The following SPTLC2 variants were observed in gnomAD, a reference collection of about 807,000 sequenced individuals.
The protein encoded by SPTLC2 is serine palmitoyltransferase long chain base subunit 2, also known as serine palmitoyltransferase 2.
Under a neutral mutation model 62.0 loss-of-function variants are expected in SPTLC2, and 21 were observed. The ratio of observed to expected loss-of-function variants is 0.34; its 90% CI spans 0.24 to 0.49. The LOEUF is 0.49. Among genes scored for constraint, SPTLC2 ranks in the 20% least tolerant of loss-of-function variants. The pLI, the probability that SPTLC2 is intolerant of heterozygous loss-of-function variation, is 0.99. For synonymous variants in SPTLC2, 261 were observed against 261.8 expected (o/e 1.00, Z 0.03); for missense variants, 511 against 713.0 (o/e 0.72, Z 3.23).
At chr14:77,533,193 G>A (rs912425932) in intron 9 of SPTLC2, among the ~76,000 whole-genome samples, 2 of 151,866 alleles carry the variant, frequency 1.3e-5, no homozygotes, top group Non-Finnish European at 2.9e-5. Flanking sequence ...CCAGCTACTT[G>A]GGAGGCTGAG....
At chr14:77,552,756 A>G (rs943663493) in intron 8 of SPTLC2, among the ~76,000 whole-genome samples, 1 of 149,040 alleles carries the variant, frequency 6.7e-6, no homozygotes, top group Non-Finnish European at 1.5e-5. Flanking sequence ...CAGTGAGCTG[A>G]GATTGCGCCA....
At chr14:77,586,324 C>G (rs1488332901) in intron 2 of SPTLC2, among the ~76,000 whole-genome samples, 1 of 152,254 alleles carries the variant, frequency 6.6e-6, no homozygotes, top group East Asian at 1.9e-4. Flanking sequence ...GATCCACCCA[C>G]CTTGGCCTCC....
chr14:77,535,168 C>A (rs927209900), intron 9 of SPTLC2, among the ~76,000 whole-genome samples: 1 of 152,176 alleles, frequency 6.6e-6, no homozygotes, highest in Non-Finnish European at 1.5e-5. Flanking sequence ...CTTAGGTGAT[C>A]TGCCCGCCTC....
intron 11 of SPTLC2, among the ~76,000 whole-genome samples, chr14:77,515,520 T>C (rs551878422): frequency 6.6e-6 from 1 of 151,058 alleles, no homozygotes. Context: ...AAGTGTAAAT[T>C]AGCCAGTGTA....
intron 9 of SPTLC2, among the ~76,000 whole-genome samples, chr14:77,541,001 A>G (rs1042974245): frequency 6.6e-6 from 1 of 151,576 alleles, no homozygotes; most frequent in Non-Finnish European, 1.5e-5. Flanking sequence ...CTCAGAAGGT[A>G]TGCTTGCAAA....
intron 1 of SPTLC2, among the ~76,000 whole-genome samples, chr14:77,600,990 T>C (rs1317780930): frequency 1.3e-5 from 2 of 152,338 alleles, no homozygotes; most frequent in East Asian, 3.9e-4. Context: ...AAGCCATATG[T>C]GTAATACATA....
chr14:77,566,328 A>G (rs1004543064), intron 5 of SPTLC2, among the ~76,000 whole-genome samples: 2 of 152,198 alleles, frequency 1.3e-5, no homozygotes, highest in Non-Finnish European at 2.9e-5. Flanking sequence ...TTAATGTTTC[A>G]GGTATCATGT....
intron 1 of SPTLC2, among the ~76,000 whole-genome samples, chr14:77,598,790 AG>A (rs2079861930): frequency 6.6e-6 from 1 of 152,202 alleles, no homozygotes; most frequent in South Asian, 2.1e-4. Context: ...CAAAAACACT[AG>A]CTGGACATGG....
chr14:77,586,643 C>G (rs886238423), intron 2 of SPTLC2, among the ~76,000 whole-genome samples: 6 of 152,178 alleles, frequency 3.9e-5, no homozygotes, highest in African/African-American at 1.4e-4. Flanking sequence ...GAAAGACAAG[C>G]CACAAAAGAG....
In SPTLC2 at chr14:77,579,118, A is replaced by G; in HGVS notation, c.328-9T>C. On this transcript the variant is annotated splice_polypyrimidine_tract_variant and intron_variant, in intron 2 of 11. Transcript: ENST00000216484. ...TACAATGACACAAAGTCCTGCCAAG[A>G]AATGGTGACATACCATAAATTTAAC... 6.2e-7 allele frequency: 1 copy of G among 1,613,964 alleles called. No individual in the cohort carries two copies. Among genetic ancestry groups the G allele is most frequent in the Non-Finnish European group, 8.5e-7 (1 of 1,179,924 alleles).
chr14:77,518,370 T>C (rs2079369095), intron 10 of SPTLC2, among the ~76,000 whole-genome samples: 1 of 152,156 alleles, frequency 6.6e-6, no homozygotes, highest in Non-Finnish European at 1.5e-5. Flanking sequence ...TCTTCTCCTA[T>C]ATGGTGTCCT....
At chr14:77,614,059 G>A (rs1311185918) in intron 1 of SPTLC2, among the ~76,000 whole-genome samples, 1 of 152,164 alleles carries the variant, frequency 6.6e-6, no homozygotes, top group Non-Finnish European at 1.5e-5. Flanking sequence ...CATTCCAACA[G>A]ACCGTTCTTC....
chr14:77,550,468 G>A (rs2079550051), intron 9 of SPTLC2, among the ~76,000 whole-genome samples: 1 of 152,170 alleles, frequency 6.6e-6, no homozygotes, highest in South Asian at 2.1e-4. Flanking sequence ...CAGCTACTCG[G>A]GAAGGCTGAG....
chr14:77,566,785 G>A (rs2079647578), intron 5 of SPTLC2, among the ~76,000 whole-genome samples: 1 of 151,284 alleles, frequency 6.6e-6, no homozygotes, highest in Non-Finnish European at 1.5e-5. Context: ...AATAAGACAA[G>A]TGTCTGCTTC....
chr14:77,533,083 C>T (rs369215271), intron 9 of SPTLC2, among the ~76,000 whole-genome samples: 28 of 151,946 alleles, frequency 1.8e-4, no homozygotes, highest in African/African-American at 6.5e-4. Context: ...AGATCACCTG[C>T]GGTTCGGAGT....
intron 2 of SPTLC2, among the ~76,000 whole-genome samples, chr14:77,593,120 A>T (rs1222044198): frequency 1.3e-5 from 2 of 151,938 alleles, no homozygotes; most frequent in Admixed American, 6.6e-5. Flanking sequence ...AAAAAAATTA[A>T]AAAAATTAAA....
At chr14:77,528,681 G>A (rs897156740) in intron 9 of SPTLC2, among the ~76,000 whole-genome samples, 1 of 152,044 alleles carries the variant, frequency 6.6e-6, no homozygotes, top group African/African-American at 2.4e-5. Flanking sequence ...GATAAAATAT[G>A]GAAAAATACT....
intron 9 of SPTLC2, among the ~76,000 whole-genome samples, chr14:77,542,263 A>T (rs540228357): frequency 7.2e-5 from 11 of 152,232 alleles, no homozygotes; most frequent in Admixed American, 3.3e-4. Flanking sequence ...TCACAGAAAG[A>T]TAAAGAATCT....
intron 2 of SPTLC2, among the ~76,000 whole-genome samples, chr14:77,595,215 T>C (rs2079840098): frequency 6.6e-6 from 1 of 151,814 alleles, no homozygotes; most frequent in Non-Finnish European, 1.5e-5. Flanking sequence ...AAATACAAAA[T>C]TATCTCGGGA....
Sources: gnomAD v4.1 joint callset for allele counts (sites outside exome capture counted in the v4.1 genomes callset) on GRCh38, gnomAD v4.1.1 for gene constraint, MANE v1.5 for transcripts, NCBI Gene and HGNC (gene_info 2026-07-23, HGNC 2026-07-21) for gene names.